The following PUS7L variants were observed in gnomAD, a reference collection of about 807,000 sequenced individuals.
PUS7L encodes the protein pseudouridylate synthase PUS7L.
A neutral mutation model predicts 51.1 loss-of-function variants in PUS7L; 49 were observed. The observed-to-expected ratio is 0.96, with a 90% CI of 0.76 to 1.22. PUS7L has a LOEUF of 1.22. Ranked by LOEUF, PUS7L falls within the 50% of genes most tolerant of loss-of-function variation. The pLI, the probability that PUS7L is intolerant of heterozygous loss-of-function variation, is 0.00. For synonymous variants in PUS7L, 277 were observed against 276.2 expected (o/e 1.00, Z -0.03); for missense variants, 828 against 820.6 (o/e 1.01, Z -0.11).
At chr12:43,751,671 T>C (rs1268204494) in intron 2 of PUS7L, among the ~76,000 whole-genome samples, 1 of 152,202 alleles carries the variant, frequency 6.6e-6, no homozygotes, top group Non-Finnish European at 1.5e-5. Flanking sequence ...TGTGCATGTG[T>C]CTTTATAGCA....
intron 2 of PUS7L, 53 bp from the exon 3 acceptor site, chr12:43,748,662 T>C: frequency 3.0e-6 from 4 of 1,333,058 alleles, no homozygotes; most frequent in Non-Finnish European, 4.1e-6. Context: ...CATACATCAA[T>C]TACATTCTTA....
At chr12:43,753,779 C>G (rs1034608071) in intron 2 of PUS7L, among the ~76,000 whole-genome samples, 1 of 152,142 alleles carries the variant, frequency 6.6e-6, no homozygotes, top group Non-Finnish European at 1.5e-5. Flanking sequence ...GAATGGAGCT[C>G]TGAAATCTGT....
At chr12:43,748,680 G>T (rs1253844214) in intron 2 of PUS7L, 71 bp from the exon 3 acceptor site, 38 of 1,174,848 alleles carry the variant, frequency 3.2e-5, no homozygotes, top group Non-Finnish European at 1.2e-5. Flanking sequence ...TTAGCTAACA[G>T]ATTAGTATAA....
In PUS7L at chr12:43,730,225, T is replaced by G; in HGVS notation, c.*151A>C. 1.6e-6 allele frequency: 1 copy of G among 622,000 alleles called. No homozygotes were observed. The highest frequency in any genetic ancestry group is 2.9e-5 in the Admixed American group (1 of 33,902). The allele number at this position is 622,000 out of a possible 1,614,324, so 38.5% of individuals were successfully genotyped here. ...GACACTTACATATCCTCTATAAAAT[T>G]ACAGTATCAAATCCTAACTTCTCAG... On this transcript the variant is annotated 3_prime_UTR_variant, in exon 9 of 9. Coordinates refer to ENST00000344862, the MANE Select transcript of PUS7L (RefSeq NM_031292.5).
rs745879183 is a variant in PUS7L at position 43,754,470 on chromosome 12, G to T, written c.776C>A (p.Thr259Asn). The change falls in exon 2 of 9, where the codon ACC (threonine) becomes AAC (asparagine). Residue 259 changes from threonine (T) to asparagine (N), a missense_variant. Physicochemically the swap from Thr to Asn is moderately conservative, Grantham distance 65. Coordinates refer to ENST00000344862, the MANE Select transcript of PUS7L (RefSeq NM_031292.5). ...GCAATTCATTTTAGAAAAAGATTTG[G>T]TTTCCACAAGGTTTCCAAACTTTTT... The part of the protein sequence containing the change: ...VNKKFGNLVE[T>N]KSFSKMNCSA... The T allele has an allele frequency of 2.5e-6, 4 of 1,613,840 alleles. No individual in the cohort carries two copies. In the Admixed American group the frequency reaches 6.7e-5, roughly 27 times the overall value.
intron 5 of PUS7L, 54 bp downstream of exon 5, chr12:43,742,403 G>T: frequency 8.1e-7 from 1 of 1,237,780 alleles, no homozygotes; most frequent in Non-Finnish European, 1.2e-6. Context: ...GCTGGGTTAT[G>T]TAGTAAGTAT....
rs145979946 is a variant in PUS7L at position 43,754,683 on chromosome 12, G to T, written c.563C>A (p.Thr188Asn). The T allele has an allele frequency of 5.6e-6, 9 of 1,613,634 alleles. No homozygotes were observed. Among genetic ancestry groups the T allele is most frequent in the Non-Finnish European group, 6.8e-6 (8 of 1,179,746 alleles). The change falls in exon 2 of 9, where the codon ACT (threonine) becomes AAT (asparagine). Residue 188 changes from threonine to asparagine, a missense_variant. By Grantham distance (65) the Thr-to-Asn change is moderately conservative. Transcript: ENST00000344862. ...AACAATTTCACTGTTTTTTCCTACA[G>T]TTACTAAAAATGGAAATTTCTGCCT... The part of the protein sequence containing the change: ...AIRQKFPFLV[T>N]VGKNSEIVVK...
In PUS7L at chr12:43,748,492, A is replaced by G; in HGVS notation, c.1028T>C (p.Ile343Thr). The G allele has an allele frequency of 6.2e-7, 1 of 1,608,400 alleles. No individual in the cohort carries two copies. The highest frequency in any genetic ancestry group is 8.5e-7 in the Non-Finnish European group (1 of 1,178,644). ...TCTAACAACCATTGCTTGATAGGTG[A>G]TGGCTTTCTTGTCTTTAAGGCCTGC... ...SYAGLKDKKA[I>T]TYQAMVVRKV... is the part of the protein sequence containing the mutation. Residue 343 changes from isoleucine to threonine, a missense_variant, in exon 3 of 9, where the codon ATC becomes ACC. Coordinates refer to ENST00000344862, the MANE Select transcript of PUS7L (RefSeq NM_031292.5).
At position 43,725,918 on chromosome 12, in the gene PUS7L, C is replaced by T. The variant is rs761078353; in HGVS notation, c.*4458G>A. ...GTGTGAGATACTGACATAATAGATA[C>T]TCAGAAAATGTTAGTTAAATCAAAA... On this transcript the variant is annotated 3_prime_UTR_variant, in exon 9 of 9. Coordinates refer to ENST00000344862, the MANE Select transcript of PUS7L (RefSeq NM_031292.5). The T allele has an allele frequency of 2.0e-5, 3 of 151,978 alleles. No individual in the cohort carries two copies. The highest frequency in any genetic ancestry group is 4.4e-5 in the Non-Finnish European group (3 of 68,024). The allele number at this position is 151,978 out of a possible 1,614,324, so 9.4% of individuals were successfully genotyped here. A position where few individuals can be genotyped will look rare whatever the true frequency, so the allele number is the denominator to read the frequency against.
rs1034525796 is a variant in PUS7L at position 43,722,292 on chromosome 12, C to T, written c.*8084G>A. ...GGAAAGCTTCTGAAATGTTCTATGG[C>T]CCCAAAACAATGACATTTCTACTTT... is the stretch of plus-strand genomic sequence containing the variant. On this transcript the variant is annotated 3_prime_UTR_variant, in exon 9 of 9. Transcript: ENST00000344862. 1.3e-5 allele frequency: 2 copies of T among 151,980 alleles called. No individual in the cohort carries two copies. The highest frequency in any genetic ancestry group is 4.8e-5 in the African/African-American group (2 of 41,398). The allele number at this position is 151,980 out of a possible 1,614,324, so 9.4% of individuals were successfully genotyped here. A position where few individuals can be genotyped will look rare whatever the true frequency, so the allele number is the denominator to read the frequency against.
At chr12:43,735,150 C>T (rs376980142) in intron 7 of PUS7L, among the ~76,000 whole-genome samples, 2 of 151,390 alleles carry the variant, frequency 1.3e-5, no homozygotes, top group African/African-American at 2.4e-5. Context: ...CCAGTCTCTA[C>T]TAAAAATAAA....
intron 3 of PUS7L, among the ~76,000 whole-genome samples, chr12:43,748,188 A>T (rs565538606): frequency 6.6e-6 from 1 of 152,330 alleles, no homozygotes; most frequent in South Asian, 2.1e-4. Flanking sequence ...ACAGTAACAA[A>T]AAAATTTGTA....
At chr12:43,756,297 T>C (rs951843265) in intron 1 of PUS7L, among the ~76,000 whole-genome samples, 1 of 152,248 alleles carries the variant, frequency 6.6e-6, no homozygotes, top group African/African-American at 2.4e-5. Context: ...AATTGAAATC[T>C]GGCTATTTCT....
Position 43,728,017 on chromosome 12 carries a change from C to T in PUS7L, c.*2359G>A, listed in dbSNP as rs375531691. On this transcript the variant is annotated 3_prime_UTR_variant, in exon 9 of 9. Transcript: ENST00000344862. ...AGGACATCCTTGCAGTTTAAGATGA[C>T]ACTTTAAAAATAAATTAACTCCTAA... 1.3e-5 allele frequency: 2 copies of T among 149,512 alleles called. No individual in the cohort carries two copies. Among genetic ancestry groups the T allele is most frequent in the Non-Finnish European group, 3.0e-5 (2 of 67,412 alleles). The allele number at this position is 149,512 out of a possible 1,614,324, so 9.3% of individuals were successfully genotyped here.
At chr12:43,733,668 A>G (rs1314161588) in intron 7 of PUS7L, among the ~76,000 whole-genome samples, 1 of 152,238 alleles carries the variant, frequency 6.6e-6, no homozygotes, top group African/African-American at 2.4e-5. Context: ...TGGATGACTT[A>G]CTAATTAGTG....
Position 43,727,494 on chromosome 12 carries a change from TAC to T in PUS7L, c.*2880_*2881del, listed in dbSNP as rs1377916832. ...GTAGTACATGTATACCAGATAATAC[TAC>T]ACAGTCATAAAAAAGAACAAAATAA... On this transcript the variant is annotated 3_prime_UTR_variant, in exon 9 of 9. Coordinates refer to ENST00000344862, the MANE Select transcript of PUS7L (RefSeq NM_031292.5). 1 of 152,160 alleles carries T rather than the reference TAC, an allele frequency of 6.6e-6. No homozygotes were observed. Among genetic ancestry groups the T allele is most frequent in the Non-Finnish European group, 1.5e-5 (1 of 68,022 alleles). The allele number at this position is 152,160 out of a possible 1,614,324, so 9.4% of individuals were successfully genotyped here.
intron 1 of PUS7L, 58 bp downstream of exon 1, chr12:43,758,672 C>CG: frequency 1.8e-6 from 1 of 557,678 alleles, no homozygotes; most frequent in Non-Finnish European, 2.0e-6. Context: ...CCCCCACACA[C>CG]ACACACACAC....
At position 43,738,614 on chromosome 12, in the gene PUS7L, G is replaced by T. The variant is rs555398672; in HGVS notation, c.1363-223C>A. ...TTATATATAGGTTTAAAATATTATG[G>T]ACTGAAAAAAGTATTTCCCTATCAC... On this transcript the variant is annotated intron_variant, in intron 5 of 8. Transcript: ENST00000344862. Among the ~76,000 whole-genome samples the T allele has an allele frequency of 1.7e-4, 26 of 152,024 alleles. No homozygotes were observed. The South Asian group carries it at 5.2e-3, about 30-fold the overall frequency.
At chr12:43,755,478 A>G (rs1400597972) in intron 1 of PUS7L, among the ~76,000 whole-genome samples, 1 of 152,238 alleles carries the variant, frequency 6.6e-6, no homozygotes, top group African/African-American at 2.4e-5. Flanking sequence ...TTTCTGGTAT[A>G]GCTAAAGATT....
Sources: allele counts gnomAD v4.1 joint callset (sites outside exome capture counted in the v4.1 genomes callset), GRCh38; gene constraint gnomAD v4.1.1; transcripts MANE v1.5; gene names NCBI Gene and HGNC (gene_info 2026-07-23, HGNC 2026-07-21).